The following COL4A5 variants were observed in gnomAD, a reference collection of about 807,000 sequenced individuals.
The protein encoded by COL4A5 is collagen type IV alpha 5 chain.
In COL4A5, 26 loss-of-function variants were observed where a neutral mutation model predicts 130.2. That is an observed-to-expected ratio of 0.20 (90% confidence interval 0.15 to 0.28). The LOEUF (loss-of-function observed/expected upper bound fraction) is 0.28, where lower values mean the gene tolerates loss of function less well. Ranked by LOEUF, COL4A5 falls within the 10% of genes least tolerant of loss-of-function variation. The probability of loss-of-function intolerance (pLI) is 1.00; values close to 1 mark genes in which losing one functional copy is unlikely to be tolerated. For synonymous variants in COL4A5, 496 were observed against 439.6 expected, an observed-to-expected ratio of 1.13 and a Z score of -1.60; for missense variants, 1,131 against 1,344.3, an observed-to-expected ratio of 0.84 and a Z score of 2.48.
chrX:108,581,859 A>T (rs2066255513), intron 16 of COL4A5, among the ~76,000 whole-genome samples: 1 of 110,589 alleles, frequency 9.0e-6, no homozygotes, highest in Non-Finnish European at 1.9e-5. Flanking sequence ...ATGAATATAA[A>T]TATTCCCATA....
intron 9 of COL4A5, among the ~76,000 whole-genome samples, chrX:108,574,562 G>A (rs756310174): frequency 9.0e-6 from 1 of 111,273 alleles, no homozygotes; most frequent in Admixed American, 9.5e-5. Context: ...CTTAAAAATA[G>A]CTTTATTATA....
intron 1 of COL4A5, among the ~76,000 whole-genome samples, chrX:108,485,103 CTGCCAGGCTACCA>C (rs1454166912): frequency 1.8e-5 from 2 of 112,023 alleles, no homozygotes; most frequent in Admixed American, 9.4e-5. Context: ...ACGGGGACTA[CTGCCAGGCTACCA>C]TCTATGTTCA....
intron 1 of COL4A5, among the ~76,000 whole-genome samples, chrX:108,459,902 T>C (rs1259319268): frequency 8.9e-6 from 1 of 112,521 alleles, no homozygotes; most frequent in East Asian, 2.8e-4. Flanking sequence ...CTTATTTCTC[T>C]TTGATAATGT....
chrX:108,481,165 A>G (rs767304201), intron 1 of COL4A5, among the ~76,000 whole-genome samples: 1 of 111,371 alleles, frequency 9.0e-6, no homozygotes, highest in Non-Finnish European at 1.9e-5. Flanking sequence ...CCCCTACTTT[A>G]ACTGGAGGAC....
chrX:108,500,445 G>A (rs2065070057), intron 1 of COL4A5, among the ~76,000 whole-genome samples: 1 of 112,114 alleles, frequency 8.9e-6, no homozygotes, highest in Non-Finnish European at 1.9e-5. Flanking sequence ...TGAAGGCTAC[G>A]CAACGTCAGG....
chrX:108,465,957 A>G (rs2064701871), intron 1 of COL4A5, among the ~76,000 whole-genome samples: 1 of 111,255 alleles, frequency 9.0e-6, no homozygotes, highest in Non-Finnish European at 1.9e-5. Flanking sequence ...ATCAATCTGC[A>G]TTCTGTCTCT....
intron 36 of COL4A5, among the ~76,000 whole-genome samples, chrX:108,630,357 G>C (rs1312684778): frequency 2.3e-4 from 26 of 111,724 alleles, no homozygotes; most frequent in Non-Finnish European, 3.8e-5. Flanking sequence ...ATTCTAACTG[G>C]TGTGAGATGG....
At chrX:108,681,039 A>G in intron 46 of COL4A5, 83 bp downstream of exon 46, 1 of 864,668 alleles carries the variant, frequency 1.2e-6, no homozygotes, top group Admixed American at 2.3e-5. Context: ...TCTTTCAGCC[A>G]GACCATCGGA....
intron 28 of COL4A5, among the ~76,000 whole-genome samples, chrX:108,605,421 A>G (rs2066713741): frequency 8.9e-6 from 1 of 111,742 alleles, no homozygotes; most frequent in African/African-American, 3.3e-5. Context: ...ACATTTTTTT[A>G]TTAAGTTCAC....
chrX:108,678,567 A>T (rs957524402), intron 44 of COL4A5, among the ~76,000 whole-genome samples: 2 of 111,546 alleles, frequency 1.8e-5, no homozygotes, highest in Non-Finnish European at 3.8e-5. Context: ...GGGATTGTTT[A>T]TATTTTATAA....
intron 4 of COL4A5, 121 bp from the exon 5 acceptor site, chrX:108,568,508 A>C: frequency 1.9e-6 from 1 of 531,398 alleles, no homozygotes; most frequent in Non-Finnish European, 3.3e-6. Flanking sequence ...AGTAGTAATA[A>C]ATAGTGAGAC....
At chrX:108,483,345 C>G (rs1422889353) in intron 1 of COL4A5, among the ~76,000 whole-genome samples, 1 of 110,612 alleles carries the variant, frequency 9.0e-6, no homozygotes, top group Non-Finnish European at 1.9e-5. Flanking sequence ...CAGTCTGAAT[C>G]CCAAAACTGA....
At chrX:108,651,647 G>A (rs2067732214) in intron 36 of COL4A5, among the ~76,000 whole-genome samples, 1 of 111,517 alleles carries the variant, frequency 9.0e-6, no homozygotes, top group Non-Finnish European at 1.9e-5. Context: ...CCACCTGTAG[G>A]CTCATTGAGC....
intron 31 of COL4A5, among the ~76,000 whole-genome samples, chrX:108,620,991 C>A (rs1051077200): frequency 9.0e-6 from 1 of 111,131 alleles, no homozygotes; most frequent in African/African-American, 3.3e-5. Context: ...GGCAAGATTT[C>A]TTTTCTTTCG....
chrX:108,597,297 G>T, intron 23 of COL4A5, 80 bp from the exon 24 acceptor site: 1 of 1,055,395 alleles, frequency 9.5e-7, no homozygotes. Flanking sequence ...AGAAGAAAAT[G>T]TTAGAAAAAA....
chrX:108,593,381 C>G (rs1206810838), intron 21 of COL4A5, among the ~76,000 whole-genome samples: 1 of 111,092 alleles, frequency 9.0e-6, no homozygotes, highest in East Asian at 2.8e-4. Flanking sequence ...TTAAAACTAT[C>G]TTCTGTTTTG....
At chrX:108,596,619 G>A (rs761651804) in intron 22 of COL4A5, among the ~76,000 whole-genome samples, 13 of 111,959 alleles carry the variant, frequency 1.2e-4, no homozygotes, top group African/African-American at 4.2e-4. Context: ...GCATAAGTCA[G>A]AACAAAGATA....
chrX:108,642,004 C>G (rs2067477277), intron 36 of COL4A5, among the ~76,000 whole-genome samples: 1 of 111,793 alleles, frequency 8.9e-6, no homozygotes, highest in Non-Finnish European at 1.9e-5. Context: ...TTCTCAAGCC[C>G]TGCTCACCCA....
intron 44 of COL4A5, among the ~76,000 whole-genome samples, chrX:108,679,822 A>G (rs1457667412): frequency 8.9e-6 from 1 of 111,910 alleles, no homozygotes; most frequent in Non-Finnish European, 1.9e-5. Context: ...GAAAAAACAA[A>G]GAATAAAATA....
Sources: allele counts gnomAD v4.1 joint callset (sites outside exome capture counted in the v4.1 genomes callset), GRCh38; gene constraint gnomAD v4.1.1; transcripts MANE v1.5; gene names NCBI Gene and HGNC (gene_info 2026-07-23, HGNC 2026-07-21).